The following TTC16 variants were observed in gnomAD, a reference collection of about 807,000 sequenced individuals.
TTC16 encodes tetratricopeptide repeat domain 16, also known as tetratricopeptide repeat protein 16.
Under a neutral mutation model 80.4 loss-of-function variants are expected in TTC16, and 66 were observed. The observed-to-expected ratio is 0.82, with a 90% confidence interval of 0.67 to 1.01. TTC16 has a LOEUF of 1.01. TTC16 is among the 50% of genes least tolerant of loss of function. The pLI is 0.00. For missense variants in TTC16, 1,070 were observed against 1,103.2 expected (o/e 0.97, Z 0.43); for synonymous variants, 438 against 451.3 (o/e 0.97, Z 0.37).
Position 127,724,748 on chromosome 9 carries a change from G to A in TTC16, c.1118-8G>A. The A allele has an allele frequency of 1.2e-6, 2 of 1,607,594 alleles. No homozygotes were observed. Among genetic ancestry groups the A allele is most frequent in the Non-Finnish European group, 8.5e-7 (1 of 1,178,742 alleles). ...GGGGGTCCACTCACCCCCGCCTCCG[G>A]ACCCTAGATTGCTTCTTCCAGCTGG... On this transcript the variant is annotated splice_region_variant and splice_polypyrimidine_tract_variant and intron_variant, in intron 8 of 13. Coordinates refer to ENST00000373289, the MANE Select transcript of TTC16 (RefSeq NM_144965.3).
At chr9:127,725,396 C>G (rs1843857875) in intron 9 of TTC16, among the ~76,000 whole-genome samples, 1 of 147,914 alleles carries the variant, frequency 6.8e-6, no homozygotes, top group African/African-American at 2.5e-5. Context: ...AACCCCGTCT[C>G]TACTAAAAAT....
chr9:127,724,740 C>A lies in TTC16; in HGVS notation c.1118-16C>A, dbSNP rs1411806844. On this transcript the variant is annotated splice_polypyrimidine_tract_variant and intron_variant, in intron 8 of 13. Transcript: ENST00000373289. ...TGGGAGTTGGGGGTCCACTCACCCC[C>A]GCCTCCGGACCCTAGATTGCTTCTT... 3 of 1,604,436 alleles carry A rather than the reference C, an allele frequency of 1.9e-6. No homozygotes were observed. The highest frequency in any genetic ancestry group is 1.7e-4 in the Middle Eastern group (1 of 6,036).
In TTC16 at chr9:127,720,144, C is replaced by CT; in HGVS notation, c.494dup (p.Gln166ProfsTer3). On this transcript the variant is annotated frameshift_variant, in exon 5 of 14. Transcript: ENST00000373289. LOFTEE classifies it high-confidence loss of function. ...GAATGTCTTCTCACATGCTGCTGAG[C>CT]TCCAGCCTGAGAAACCATGCTTCCG... is the stretch of plus-strand genomic sequence containing the variant. The CT allele has an allele frequency of 6.2e-7, 1 of 1,613,900 alleles. No individual in the cohort carries two copies. Among genetic ancestry groups the CT allele is most frequent in the African/African-American group, 1.3e-5 (1 of 75,030 alleles).
Position 127,724,125 on chromosome 9 carries a change from C to T in TTC16, c.878C>T (p.Thr293Ile), listed in dbSNP as rs779150158. Residue 293 changes from threonine to isoleucine, a missense_variant, in exon 8 of 14, where the codon ACC becomes ATC. Thr to Ile is a moderately conservative substitution (Grantham distance 89, BLOSUM62 -1). Transcript: ENST00000373289. ...TCCCACGCCCCCCCCGACAGGGGCA[C>T]CATGTACCGACGGCTCCAGGAGTTC... is the stretch of plus-strand genomic sequence containing the variant. The part of the protein sequence containing the change: ...LDPSLFLFRG[T>I]MYRRLQEFDG... 2 of 1,609,580 alleles carry T rather than the reference C, an allele frequency of 1.2e-6. No homozygotes were observed. The highest frequency in any genetic ancestry group is 1.1e-5 in the South Asian group (1 of 90,602).
At chr9:127,724,023 C>G (rs1003268267) in intron 7 of TTC16, 97 bp from the exon 8 acceptor site, 3 of 1,439,816 alleles carry the variant, frequency 2.1e-6, no homozygotes, top group Non-Finnish European at 2.7e-6. Context: ...GGTCAGGAGG[C>G]CCAGAGCCGG....
chr9:127,716,909 C>T lies in TTC16; in HGVS notation c.84C>T (p.Pro28=). The T allele has an allele frequency of 6.2e-7, 1 of 1,614,070 alleles. No homozygotes were observed. The highest frequency in any genetic ancestry group is 8.5e-7 in the Non-Finnish European group (1 of 1,180,000). The change falls in exon 2 of 14, where the codon CCC becomes CCT. Residue 28 remains proline (P), a synonymous_variant. Transcript: ENST00000373289. Reference sequence around the variant, plus strand: ...CAAAGCCATGGGTGATTCCAGCCCCCAAAGGGATCCTGCAGCACATCTTTG... The same window carrying T: ...CAAAGCCATGGGTGATTCCAGCCCCTAAAGGGATCCTGCAGCACATCTTTG... ...DIPKPWVIPA[P]KGILQHIFGT...
intron 12 of TTC16, chr9:127,729,355 C>T (rs1844206493): frequency 1.9e-6 from 1 of 521,230 alleles, no homozygotes; most frequent in African/African-American, 1.9e-5. Context: ...GCTAGCAGCT[C>T]CTTCAACACA....
At chr9:127,721,755 G>T (rs1355399958) in intron 6 of TTC16, among the ~76,000 whole-genome samples, 2 of 152,146 alleles carry the variant, frequency 1.3e-5, no homozygotes, top group Non-Finnish European at 2.9e-5. Context: ...CTAGGCTGGA[G>T]TGCAGTGGCG....
rs55676226 is a variant in TTC16, at chr9:127,726,787, CAAAAAAAAAAAA to C, written c.1426-160_1426-149del. The stretch of plus-strand genomic sequence containing the variant: ...TGGGCGATAGAGTGAGACTCTGTCT[CAAAAAAAAAAAA>C]AAAAAAAAAAAAAAAAAAAAAACAA... On this transcript the variant is annotated intron_variant, in intron 10 of 13. Transcript: ENST00000373289. Among the ~76,000 whole-genome samples, 9 of 127,846 alleles carry C rather than the reference CAAAAAAAAAAAA, an allele frequency of 7.0e-5. No homozygotes were observed. In the East Asian group the frequency reaches 1.3e-3, roughly 19 times the overall value. The allele number at this position is 127,846 out of a possible 152,430, so 83.9% of individuals were successfully genotyped here.
intron 4 of TTC16, 131 bp downstream of exon 4, chr9:127,717,903 C>A: frequency 8.3e-7 from 1 of 1,200,190 alleles, no homozygotes; most frequent in South Asian, 1.6e-5. Flanking sequence ...CCCGCTGCCC[C>A]TCTCACCTCC....
At chr9:127,728,792 T>A (rs539570447) in intron 12 of TTC16, 1 of 152,324 alleles carries the variant, frequency 6.6e-6, no homozygotes, top group Non-Finnish European at 1.5e-5. Flanking sequence ...AGCCAGACCC[T>A]GTCTAAAGAA....
At chr9:127,724,389 G>C (rs752288176) in intron 8 of TTC16, 25 bp downstream of exon 8, 6 of 1,607,774 alleles carry the variant, frequency 3.7e-6, no homozygotes, top group Non-Finnish European at 1.7e-6. Context: ...GGGCACTGGG[G>C]AGGGGGGGTG....
chr9:127,724,894 G>T lies in TTC16; in HGVS notation c.1256G>T (p.Arg419Leu), dbSNP rs374365770. 7 of 1,530,206 alleles carry T rather than the reference G, an allele frequency of 4.6e-6. No individual in the cohort carries two copies. Among genetic ancestry groups the T allele is most frequent in the Admixed American group, 2.1e-5 (1 of 47,592 alleles). 94.8% of individuals were successfully genotyped at this position (1,530,206 alleles called of 1,614,324 possible). A position where few individuals can be genotyped will look rare whatever the true frequency, so the allele number is the denominator to read the frequency against. Reference sequence around the variant, plus strand: ...AAGATGGGCTTCTGCGAGCAGAGGCGCAAGTGCGTGGGCTCCCGCCCCCAC... The same window carrying T: ...AAGATGGGCTTCTGCGAGCAGAGGCTCAAGTGCGTGGGCTCCCGCCCCCAC... ...QEKMGFCEQR[R>L]KQFQKAENHF... The change falls in exon 9 of 14, where the codon CGC becomes CTC. Residue 419 changes from arginine to leucine, a missense_variant. By Grantham distance (102) the Arg-to-Leu change is moderately radical. Transcript: ENST00000373289.
intron 12 of TTC16, 164 bp from the exon 13 acceptor site, chr9:127,729,415 CCA>C: frequency 1.7e-6 from 1 of 597,108 alleles, no homozygotes; most frequent in Non-Finnish European, 3.0e-6. Context: ...CCCCTTCCTG[CCA>C]GGCTTAGCCT....
intron 11 of TTC16, 41 bp downstream of exon 11, chr9:127,727,153 T>C (rs894901518): frequency 6.5e-7 from 1 of 1,536,034 alleles, no homozygotes; most frequent in Non-Finnish European, 8.8e-7. Flanking sequence ...GGCTGGGGAA[T>C]GGCTGCAGCT....
Position 127,717,668 on chromosome 9 carries a change from C to T in TTC16, c.322C>T (p.Leu108Phe). 3 of 1,614,072 alleles carry T rather than the reference C, an allele frequency of 1.9e-6. No homozygotes were observed. The highest frequency in any genetic ancestry group is 2.5e-6 in the Non-Finnish European group (3 of 1,180,014). ...YALRAEAYLQ[L>F]CDFSSAAQNL... Reference sequence around the variant, plus strand: ...CTTACGGGCTGAGGCCTACCTCCAGCTCTGTGACTTCTCCTCGGCCGCCCA... The same window carrying T: ...CTTACGGGCTGAGGCCTACCTCCAGTTCTGTGACTTCTCCTCGGCCGCCCA... Residue 108 changes from leucine (L) to phenylalanine (F), a missense_variant, in exon 4 of 14, where the codon CTC becomes TTC. Leu to Phe is a conservative substitution (Grantham distance 22, BLOSUM62 0). Transcript: ENST00000373289.
chr9:127,727,618 A>G (rs1473740873), intron 12 of TTC16, 153 bp downstream of exon 12: 8 of 1,398,542 alleles, frequency 5.7e-6, no homozygotes, highest in Admixed American at 2.9e-5. Context: ...ACATCTTGCT[A>G]TGAGATGGGG....
chr9:127,723,384 A>G (rs1284362621), intron 7 of TTC16, 51 bp downstream of exon 7: 1 of 1,566,528 alleles, frequency 6.4e-7, no homozygotes, highest in Non-Finnish European at 8.7e-7. Flanking sequence ...GCCCAGCCAG[A>G]CTTTCTGTGT....
chr9:127,727,058 T>C lies in TTC16; in HGVS notation c.1514T>C (p.Leu505Pro). Reference protein sequence around the residue: ...TQIAHLARLQLEQMVEGSLQA... With the variant: ...TQIAHLARLQPEQMVEGSLQA... ...ATAGCCCACCTGGCCAGGCTGCAGC[T>C]GGAGCAGATGGTGGAGGGCAGCCTG... is the stretch of plus-strand genomic sequence containing the variant. The change falls in exon 11 of 14, where the codon CTG becomes CCG. Residue 505 changes from leucine to proline, a missense_variant. Transcript: ENST00000373289. 1 of 1,611,988 alleles carries C rather than the reference T, an allele frequency of 6.2e-7. No individual in the cohort carries two copies. Among genetic ancestry groups the C allele is most frequent in the Non-Finnish European group, 8.5e-7 (1 of 1,179,710 alleles).
Sources: allele counts gnomAD v4.1 joint callset (sites outside exome capture counted in the v4.1 genomes callset), GRCh38; gene constraint gnomAD v4.1.1; transcripts MANE v1.5; gene names NCBI Gene and HGNC (gene_info 2026-07-23, HGNC 2026-07-21).